CEP89: variants seen among roughly 807,000 people sequenced by gnomAD.
The protein encoded by CEP89 is centrosomal protein 89, also known as centrosomal protein of 89 kDa.
In CEP89, 95 loss-of-function variants were observed where a neutral mutation model predicts 97.6. The ratio of observed to expected loss-of-function variants is 0.97; its 90% CI spans 0.82 to 1.15. The LOEUF is 1.15. Among genes scored for constraint, CEP89 ranks in the 50% most tolerant of loss-of-function variants. The pLI is 0.00. For missense variants in CEP89, 869 were observed against 947.7 expected, an observed-to-expected ratio of 0.92 and a Z score of 1.09; for synonymous variants, 354 against 349.1, an observed-to-expected ratio of 1.01 and a Z score of -0.16.
intron 5 of CEP89, among the ~76,000 whole-genome samples, chr19:32,945,127 A>G (rs1216286197): frequency 6.6e-6 from 1 of 151,906 alleles, no homozygotes; most frequent in Non-Finnish European, 1.5e-5. Flanking sequence ...TCTACTAAAA[A>G]TACAAAATTA....
chr19:32,951,236 C>T (rs1020825679), intron 4 of CEP89, among the ~76,000 whole-genome samples: 5 of 152,114 alleles, frequency 3.3e-5, no homozygotes, highest in African/African-American at 7.2e-5. Context: ...CAATGGCTCA[C>T]GCCAGTAATC....
At chr19:32,879,540 T>C (rs541984686) in intron 18 of CEP89, among the ~76,000 whole-genome samples, 162 bp from the exon 19 acceptor site, 31 of 152,258 alleles carry the variant, frequency 2.0e-4, no homozygotes, top group African/African-American at 7.5e-4. Context: ...ATGAAGCAGC[T>C]GGTGCCCTGG....
chr19:32,910,616 T>C (rs1302164675), intron 14 of CEP89, among the ~76,000 whole-genome samples: 1 of 152,240 alleles, frequency 6.6e-6, no homozygotes, highest in African/African-American at 2.4e-5. Context: ...AAAACACACA[T>C]TGTACAAATA....
intron 12 of CEP89, 35 bp from the exon 13 acceptor site, chr19:32,918,374 C>G: frequency 6.7e-7 from 1 of 1,488,008 alleles, no homozygotes; most frequent in Non-Finnish European, 9.4e-7. Flanking sequence ...TACTGTGATT[C>G]AGGTGCTGAA....
chr19:32,893,262 A>C (rs1178000457), intron 16 of CEP89, among the ~76,000 whole-genome samples: 1 of 152,196 alleles, frequency 6.6e-6, no homozygotes, highest in East Asian at 1.9e-4. Flanking sequence ...GAAATAAAAC[A>C]AACTTTAAGT....
chr19:32,955,871 C>A (rs1971036572), intron 3 of CEP89, among the ~76,000 whole-genome samples: 1 of 152,070 alleles, frequency 6.6e-6, no homozygotes, highest in Non-Finnish European at 1.5e-5. Context: ...ATACATACTG[C>A]ACAAAATCAT....
chr19:32,966,100 A>T (rs1971277211), intron 2 of CEP89: 2 of 350,112 alleles, frequency 5.7e-6, no homozygotes, highest in Non-Finnish European at 1.0e-5. Context: ...AATGCTTTAC[A>T]TTTTTTTTTA....
intron 6 of CEP89, among the ~76,000 whole-genome samples, chr19:32,938,116 T>A (rs780115346): frequency 6.6e-6 from 1 of 151,656 alleles, no homozygotes; most frequent in African/African-American, 2.4e-5. Flanking sequence ...GGGATTACAC[T>A]GTTTCTTATA....
rs992702462 is a variant in CEP89, at chr19:32,953,639, C to T, written c.468G>A (p.Leu156=). The T allele has an allele frequency of 3.1e-6, 5 of 1,613,566 alleles. No homozygotes were observed. In the South Asian group the frequency reaches 4.4e-5, roughly 14 times the overall value. The stretch of plus-strand genomic sequence containing the variant: ...CCTGATTTCTGTGTGGCACAGCGTA[C>T]AGGTCATCACTGTGGCCTCCTCTGT... ...REDRGGHSDD[L]YAVPHRNQVP... The change falls in exon 4 of 19, where the codon CTG becomes CTA. Residue 156 remains leucine (L), a synonymous_variant. Coordinates refer to ENST00000305768, the MANE Select transcript of CEP89 (RefSeq NM_032816.5).
chr19:32,901,224 A>G (rs1969761706), intron 15 of CEP89, 21 bp downstream of exon 15: 1 of 1,605,466 alleles, frequency 6.2e-7, no homozygotes, highest in Middle Eastern at 1.7e-4. Flanking sequence ...AAAGCAACTT[A>G]AAGGAAAAAA....
intron 12 of CEP89, among the ~76,000 whole-genome samples, chr19:32,918,890 T>TC (rs1970189741): frequency 6.8e-6 from 1 of 146,264 alleles, no homozygotes; most frequent in African/African-American, 2.5e-5. Context: ...TTTTCTTTTT[T>TC]TTTTTTTTTT....
chr19:32,879,403 C>T, intron 18 of CEP89, 25 bp from the exon 19 acceptor site: 1 of 1,573,556 alleles, frequency 6.4e-7, no homozygotes, highest in East Asian at 2.2e-5. Flanking sequence ...TTTAAAATGG[C>T]ACAATTTTAA....
chr19:32,916,646 C>T (rs1015749557), intron 13 of CEP89, among the ~76,000 whole-genome samples: 8 of 152,170 alleles, frequency 5.3e-5, no homozygotes, highest in African/African-American at 1.4e-4. Flanking sequence ...AATTCCCAAG[C>T]GTCTGCCGAC....
chr19:32,969,018 G>A (rs1971342851), intron 1 of CEP89: 1 of 152,194 alleles, frequency 6.6e-6, no homozygotes, highest in Admixed American at 6.5e-5. Flanking sequence ...TCTCAACAGA[G>A]AGGAGGCCCT....
chr19:32,948,826 G>C (rs1325883531), intron 4 of CEP89, among the ~76,000 whole-genome samples: 1 of 152,146 alleles, frequency 6.6e-6, no homozygotes, highest in East Asian at 1.9e-4. Context: ...CCACGTGCAA[G>C]CGATCCTCTC....
Position 32,915,505 on chromosome 19 carries a change from G to A in CEP89, c.1397C>T (p.Thr466Ile), listed in dbSNP as rs1005051223. The change falls in exon 14 of 19, where the codon ACT (threonine) becomes ATT (isoleucine). Residue 466 changes from threonine to isoleucine, a missense_variant. Coordinates refer to ENST00000305768, the MANE Select transcript of CEP89 (RefSeq NM_032816.5). The stretch of plus-strand genomic sequence containing the variant: ...TGCCTCCAGGAGCATTAGTTGTTTA[G>A]TCAGCTTAGAAACTGAAAATCAAAA... ...QERLQEVSKL[T>I]KQLMLLEAKT... The A allele has an allele frequency of 3.1e-6, 5 of 1,609,192 alleles. No homozygotes were observed. The highest frequency in any genetic ancestry group is 3.4e-6 in the Non-Finnish European group (4 of 1,178,944).
chr19:32,885,691 A>G (rs59146849), intron 17 of CEP89, among the ~76,000 whole-genome samples: 12,386 of 152,132 alleles, frequency 0.081, 1,575 homozygotes, highest in African/African-American at 0.27. Context: ...AGTTTTCCCT[A>G]GGTACATAAT....
In CEP89 at chr19:32,956,626, C is replaced by G. The variant is rs188544019; in HGVS notation, c.306-2825G>C. 2.9e-3 allele frequency among the ~76,000 whole-genome samples: 439 copies of G among 152,264 alleles called. 1 individual carries two copies. The highest frequency in any genetic ancestry group is 9.7e-3 in the African/African-American group (405 of 41,560). ...AAGCAGTCCTCCCACCTCAGCCTCTCAAAGTGCTGGGATTACAGGTGTGAA... is the reference window on the plus strand; with the variant it reads ...AAGCAGTCCTCCCACCTCAGCCTCTGAAAGTGCTGGGATTACAGGTGTGAA... On this transcript the variant is annotated intron_variant, in intron 3 of 18. Transcript: ENST00000305768.
At position 32,906,991 on chromosome 19, in the gene CEP89, G is replaced by A. The variant is rs147748736; in HGVS notation, c.1566-5579C>T. Among the ~76,000 whole-genome samples, 1,130 of 152,066 alleles carry A rather than the reference G, an allele frequency of 7.4e-3. 9 individuals are homozygous for A. Among genetic ancestry groups the A allele is most frequent in the Middle Eastern group, 0.02 (6 of 294 alleles). On this transcript the variant is annotated intron_variant, in intron 14 of 18. Transcript: ENST00000305768. Reference sequence around the variant, plus strand: ...TGGGATCACAGGCTTGAGTCACTGCGCCTGGCCTCACCCAGGACTTTCTTA... The same window carrying A: ...TGGGATCACAGGCTTGAGTCACTGCACCTGGCCTCACCCAGGACTTTCTTA...
Sources: gnomAD v4.1 joint callset for allele counts (sites outside exome capture counted in the v4.1 genomes callset) on GRCh38, gnomAD v4.1.1 for gene constraint, MANE v1.5 for transcripts, NCBI Gene and HGNC (gene_info 2026-07-23, HGNC 2026-07-21) for gene names.